PRR14L: variants seen among roughly 807,000 people sequenced by gnomAD.
PRR14L encodes the protein protein PRR14L.
PRR14L carries 80 observed loss-of-function variants against 155.0 expected under a neutral mutation model. The observed-to-expected ratio is 0.52, with a 90% CI of 0.43 to 0.62. The LOEUF (loss-of-function observed/expected upper bound fraction) is 0.62, where lower values mean the gene tolerates loss of function less well. Ranked by LOEUF, PRR14L falls within the 20% of genes least tolerant of loss-of-function variation. The probability of loss-of-function intolerance (pLI) is 0.00; values close to 1 mark genes in which losing one functional copy is unlikely to be tolerated. For synonymous variants in PRR14L, 883 were observed against 916.0 expected, an observed-to-expected ratio of 0.96 and a Z score of 0.65; for missense variants, 2,469 against 2,548.0, an observed-to-expected ratio of 0.97 and a Z score of 0.67.
chr22:31,713,274 G>A lies in PRR14L; in HGVS notation c.4565C>T (p.Pro1522Leu). 3 of 1,552,114 alleles carry A rather than the reference G, an allele frequency of 1.9e-6. No individual in the cohort carries two copies. Among genetic ancestry groups the A allele is most frequent in the Non-Finnish European group, 2.6e-6 (3 of 1,147,088 alleles). The change falls in exon 4 of 9, where the codon CCC becomes CTC. Residue 1522 changes from proline (P) to leucine (L), a missense_variant. By Grantham distance (98) the Pro-to-Leu change is moderately conservative. This residue lies in a region of PRR14L where 2,363 missense variants were observed against 2,371.6 expected (regional missense o/e 1.00). Coordinates refer to ENST00000327423, the MANE Select transcript of PRR14L (RefSeq NM_173566.3). ...KKGVLPLKKQ[P>L]HRTCKKVSYQ... is the part of the protein sequence containing the mutation. ...GGAAACTTTCTTACAAGTTCGATGG[G>A]GCTGCTTCTTTAAGGGAAGAACTCC...
intron 3 of PRR14L, among the ~76,000 whole-genome samples, chr22:31,719,912 CT>C (rs2074681107): frequency 6.6e-6 from 1 of 151,878 alleles, no homozygotes; most frequent in African/African-American, 2.4e-5. Flanking sequence ...AATTTTTGTA[CT>C]TTTTGTAGAA....
chr22:31,688,027 C>CAA (rs77978141), intron 8 of PRR14L, 129 bp downstream of exon 8: 1,135 of 579,148 alleles, frequency 2.0e-3, no homozygotes, highest in East Asian at 2.3e-3. Flanking sequence ...GACTCTGTCT[C>CAA]AAAAAAAAAA....
At position 31,716,176 on chromosome 22, in the gene PRR14L, T is replaced by A. The variant is rs149602427; in HGVS notation, c.1663A>T (p.Thr555Ser). 4.3e-5 allele frequency: 66 copies of A among 1,551,578 alleles called. No individual in the cohort carries two copies. The East Asian group carries it at 1.4e-3, about 34-fold the overall frequency. ...VSIQRNLEGN[T>S]QLNEASCNDF... ...TTACATGATGCTTCATTTAACTGGG[T>A]GTTGCCTTCCAGATTTCTCTGGATG... The change falls in exon 4 of 9, where the codon ACC (threonine) becomes TCC (serine). Residue 555 changes from threonine to serine, a missense_variant. Transcript: ENST00000327423.
chr22:31,725,149 C>T (rs111801640), intron 3 of PRR14L, among the ~76,000 whole-genome samples: 3 of 152,276 alleles, frequency 2.0e-5, no homozygotes, highest in African/African-American at 4.8e-5. Context: ...TAATCCTGCA[C>T]TTTGTGGGGC....
In PRR14L at chr22:31,705,980, G is replaced by A. The variant is rs371140592; in HGVS notation, c.5757-1254C>T. 1.1e-4 allele frequency among the ~76,000 whole-genome samples: 17 copies of A among 151,324 alleles called. No homozygotes were observed. The East Asian group carries it at 3.0e-3, about 26-fold the overall frequency. On this transcript the variant is annotated intron_variant, in intron 4 of 8. Transcript: ENST00000327423. The stretch of plus-strand genomic sequence containing the variant: ...TATACCACTGCACTCCAGCCTGGGC[G>A]ACAGAGGGAGACTCTGTCTCAAAAA...
intron 7 of PRR14L, among the ~76,000 whole-genome samples, chr22:31,694,859 C>G (rs142365690): frequency 6.6e-6 from 1 of 151,892 alleles, no homozygotes; most frequent in South Asian, 2.1e-4. Context: ...CCGAGATGGG[C>G]GGATCATGAG....
At chr22:31,737,356 C>T (rs1293642133) in intron 2 of PRR14L, among the ~76,000 whole-genome samples, 1 of 152,044 alleles carries the variant, frequency 6.6e-6, no homozygotes, top group Non-Finnish European at 1.5e-5. Flanking sequence ...TGGTAGGTGC[C>T]TATAATCCTA....
rs1017471616 is a variant in PRR14L at position 31,702,384 on chromosome 22, G to C, written c.6001-622C>G. On this transcript the variant is annotated intron_variant, in intron 6 of 8. Transcript: ENST00000327423. Reference sequence around the variant, plus strand: ...ATTACAGGCATGTGCCACCACGCCCGGCTTATTTTGTATTTTAGTAGAAAC... The same window carrying C: ...ATTACAGGCATGTGCCACCACGCCCCGCTTATTTTGTATTTTAGTAGAAAC... Among the ~76,000 whole-genome samples the C allele has an allele frequency of 2.0e-5, 3 of 152,188 alleles. No homozygotes were observed. In the East Asian group the frequency reaches 5.8e-4, roughly 29 times the overall value.
chr22:31,719,136 C>T (rs1183857779), intron 3 of PRR14L, among the ~76,000 whole-genome samples: 6 of 152,028 alleles, frequency 3.9e-5, no homozygotes, highest in Non-Finnish European at 4.4e-5. Context: ...GATGCAGTAC[C>T]TCACAATGGT....
chr22:31,699,410 T>C (rs2074552011), intron 7 of PRR14L, among the ~76,000 whole-genome samples: 1 of 152,178 alleles, frequency 6.6e-6, no homozygotes, highest in Non-Finnish European at 1.5e-5. Context: ...AAATCCAAAA[T>C]CTGAAATGCT....
Position 31,713,877 on chromosome 22 carries a change from C to G in PRR14L, c.3962G>C (p.Arg1321Thr). ...ACHPHENSSD[R>T]HLPLTVKTDI... is the part of the protein sequence containing the mutation. ...TGTTTTCACTGTCAAAGGCAAATGT[C>G]TGTCAGAGGAATTCTCGTGAGGGTG... is the stretch of plus-strand genomic sequence containing the variant. The change falls in exon 4 of 9, where the codon AGA (arginine) becomes ACA (threonine). Residue 1321 changes from arginine to threonine, a missense_variant. Transcript: ENST00000327423. 1.3e-6 allele frequency: 2 copies of G among 1,552,180 alleles called. No homozygotes were observed. The highest frequency in any genetic ancestry group is 1.2e-5 in the South Asian group (1 of 84,054).
At chr22:31,699,001 T>A (rs2074549714) in intron 7 of PRR14L, among the ~76,000 whole-genome samples, 1 of 152,112 alleles carries the variant, frequency 6.6e-6, no homozygotes, top group Non-Finnish European at 1.5e-5. Flanking sequence ...TCTACCATAC[T>A]CCTCACTTCA....
chr22:31,731,273 C>A (rs1403890619), intron 2 of PRR14L, among the ~76,000 whole-genome samples: 1 of 152,044 alleles, frequency 6.6e-6, no homozygotes, highest in African/African-American at 2.4e-5. Context: ...ATATTAAGAA[C>A]CCCATGTTAG....
intron 7 of PRR14L, among the ~76,000 whole-genome samples, chr22:31,692,098 C>A (rs2074514706): frequency 6.6e-6 from 1 of 151,894 alleles, no homozygotes; most frequent in Admixed American, 6.6e-5. Flanking sequence ...GAACTCCTGA[C>A]CTCAGATGGT....
At chr22:31,688,094 C>G (rs893157351) in intron 8 of PRR14L, 62 bp downstream of exon 8, 1 of 1,470,946 alleles carries the variant, frequency 6.8e-7, no homozygotes, top group Non-Finnish European at 9.3e-7. Flanking sequence ...AGTGAAAGGG[C>G]TGGAGATTCA....
At chr22:31,718,942 C>T (rs1452442616) in intron 3 of PRR14L, among the ~76,000 whole-genome samples, 1 of 151,958 alleles carries the variant, frequency 6.6e-6, no homozygotes, top group Non-Finnish European at 1.5e-5. Context: ...GGCATGGTGG[C>T]ACATGCCTGT....
At chr22:31,746,890 G>C (rs1186811280) in intron 1 of PRR14L, among the ~76,000 whole-genome samples, 1 of 148,024 alleles carries the variant, frequency 6.8e-6, no homozygotes, top group South Asian at 2.2e-4. Context: ...TCTGCCTCCC[G>C]GGTTCATGCC....
At chr22:31,707,082 A>G (rs972966276) in intron 4 of PRR14L, among the ~76,000 whole-genome samples, 6 of 152,058 alleles carry the variant, frequency 3.9e-5, no homozygotes, top group Admixed American at 6.6e-5. Context: ...GAAAAACAGC[A>G]AACTTCTAAA....
intron 4 of PRR14L, among the ~76,000 whole-genome samples, chr22:31,705,661 C>T (rs1161268781): frequency 2.0e-5 from 3 of 152,044 alleles, no homozygotes; most frequent in East Asian, 3.9e-4. Context: ...CATGAGCCAC[C>T]GCGCCTGGCC....
Sources: gnomAD v4.1 joint callset for allele counts (sites outside exome capture counted in the v4.1 genomes callset) on GRCh38, gnomAD v4.1.1 for gene constraint, gnomAD v4.1.1 regional missense constraint, MANE v1.5 for transcripts, NCBI Gene and HGNC (gene_info 2026-07-23, HGNC 2026-07-21) for gene names.